The following PPFIBP2 variants were observed in gnomAD, a reference collection of about 807,000 sequenced individuals.
The protein encoded by PPFIBP2 is liprin-beta-2.
In PPFIBP2, 118 loss-of-function variants were observed where a neutral mutation model predicts 118.3. That is an observed-to-expected ratio of 1.00 (90% CI 0.86 to 1.16). The LOEUF (loss-of-function observed/expected upper bound fraction) is 1.16, where lower values mean the gene tolerates loss of function less well. Among genes scored for constraint, PPFIBP2 ranks in the 50% most tolerant of loss-of-function variants. The probability of loss-of-function intolerance (pLI) is 0.00; values close to 1 mark genes in which losing one functional copy is unlikely to be tolerated. For missense variants in PPFIBP2, 1,195 were observed against 1,073.1 expected, an observed-to-expected ratio of 1.11 and a Z score of -1.59; for synonymous variants, 414 against 397.4, an observed-to-expected ratio of 1.04 and a Z score of -0.50.
intron 1 of PPFIBP2, among the ~76,000 whole-genome samples, chr11:7,535,013 G>T (rs1394745015): frequency 1.3e-5 from 2 of 152,220 alleles, no homozygotes; most frequent in Admixed American, 1.3e-4. Context: ...CACTTCCTTT[G>T]CCAAGGTGGC....
At chr11:7,535,718 C>A (rs189489248) in intron 1 of PPFIBP2, among the ~76,000 whole-genome samples, 1 of 152,168 alleles carries the variant, frequency 6.6e-6, no homozygotes, top group Non-Finnish European at 1.5e-5. Context: ...TGCGTTCAGA[C>A]TGCTGTGGGA....
chr11:7,641,679 A>G, intron 16 of PPFIBP2, 59 bp downstream of exon 16: 1 of 1,544,870 alleles, frequency 6.5e-7, no homozygotes. Context: ...TTGATTGGGC[A>G]AAGAGTCTAT....
At chr11:7,665,604 C>T in the PPFIBP2 span, 1 of 1,521,892 alleles carries the variant, frequency 6.6e-7, no homozygotes. Flanking sequence ...TTCCTGATCC[C>T]AGGCCGCCTG....
chr11:7,565,444 G>T, intron 2 of PPFIBP2, 109 bp from the exon 3 acceptor site: 1 of 1,159,092 alleles, frequency 8.6e-7, no homozygotes, highest in Non-Finnish European at 1.3e-6. Flanking sequence ...CTCACCCCCA[G>T]CTTCTTATCT....
chr11:7,627,945 G>A (rs1850239804), intron 8 of PPFIBP2, among the ~76,000 whole-genome samples: 1 of 152,140 alleles, frequency 6.6e-6, no homozygotes, highest in Admixed American at 6.5e-5. Context: ...CCAGGTGCAT[G>A]CCTACTCAAG....
chr11:7,653,742 ATATT>A lies in PPFIBP2; in HGVS notation c.*528_*531del. 1 of 1,217,340 alleles carries A rather than the reference ATATT, an allele frequency of 8.2e-7. No homozygotes were observed. Among genetic ancestry groups the A allele is most frequent in the Admixed American group, 3.3e-5 (1 of 30,670 alleles). The allele number at this position is 1,217,340 out of a possible 1,614,324, so 75.4% of individuals were successfully genotyped here. On this transcript the variant is annotated 3_prime_UTR_variant, in exon 24 of 24. Transcript: ENST00000299492. ...TCTCTTCTTTCTTGTAATAAAAGCAATATTTATGCGGAAAGCAAGCAGCTCACCA... is the reference window on the plus strand; with the variant it reads ...TCTCTTCTTTCTTGTAATAAAAGCAATATGCGGAAAGCAAGCAGCTCACCA...
At chr11:7,605,448 G>A (rs767976221) in intron 5 of PPFIBP2, among the ~76,000 whole-genome samples, 20 of 152,198 alleles carry the variant, frequency 1.3e-4, no homozygotes, top group Non-Finnish European at 2.6e-4. Flanking sequence ...AGGCAGTATT[G>A]GAAGATCAGC....
chr11:7,516,865 A>C (rs1410172193), intron 1 of PPFIBP2, among the ~76,000 whole-genome samples: 1 of 152,034 alleles, frequency 6.6e-6, no homozygotes, highest in Non-Finnish European at 1.5e-5. Flanking sequence ...GGGAGGAGTT[A>C]CTCATCTCTT....
chr11:7,633,026 C>A, intron 12 of PPFIBP2, 92 bp downstream of exon 12: 1 of 1,179,664 alleles, frequency 8.5e-7, no homozygotes, highest in Non-Finnish European at 1.2e-6. Flanking sequence ...GAATGGTGAG[C>A]ATGGCCACTG....
chr11:7,526,655 G>A (rs1366047371), intron 1 of PPFIBP2, among the ~76,000 whole-genome samples: 1 of 152,072 alleles, frequency 6.6e-6, no homozygotes, highest in African/African-American at 2.4e-5. Context: ...GGCAGATCAC[G>A]AGGTCAGGAG....
chr11:7,662,840 T>C, the PPFIBP2 span, among the ~76,000 whole-genome samples: 1 of 151,028 alleles, frequency 6.6e-6, no homozygotes, highest in Admixed American at 6.6e-5. Context: ...GGAGGCTTTG[T>C]TCATTTCTTT....
At chr11:7,649,905 T>C (rs1010272088) in intron 21 of PPFIBP2, among the ~76,000 whole-genome samples, 1 of 151,814 alleles carries the variant, frequency 6.6e-6, no homozygotes, top group South Asian at 2.1e-4. Context: ...ATCATAGTGA[T>C]TAAAGGAGAT....
intron 3 of PPFIBP2, among the ~76,000 whole-genome samples, chr11:7,582,143 A>G (rs545858073): frequency 1.2e-3 from 183 of 152,202 alleles, no homozygotes; most frequent in African/African-American, 3.9e-3. Context: ...CAGCCAATTC[A>G]ATGTATGTTA....
intron 2 of PPFIBP2, among the ~76,000 whole-genome samples, chr11:7,559,127 C>A (rs1017227855): frequency 6.6e-6 from 1 of 152,198 alleles, no homozygotes; most frequent in Non-Finnish European, 1.5e-5. Flanking sequence ...CTAAATACTG[C>A]TTTGTTGCTC....
chr11:7,557,275 T>C (rs956296661), intron 2 of PPFIBP2, among the ~76,000 whole-genome samples: 1 of 152,120 alleles, frequency 6.6e-6, no homozygotes, highest in Non-Finnish European at 1.5e-5. Flanking sequence ...TTCCTATTTT[T>C]TAAAATCATG....
At chr11:7,630,836 A>G (rs1342427320) in intron 10 of PPFIBP2, 89 bp from the exon 11 acceptor site, 2 of 929,392 alleles carry the variant, frequency 2.2e-6, no homozygotes, top group East Asian at 2.4e-5. Flanking sequence ...TTCTTAATGA[A>G]GGAGAAACAA....
intron 3 of PPFIBP2, among the ~76,000 whole-genome samples, chr11:7,585,453 C>T (rs554456660): frequency 6.6e-6 from 1 of 152,326 alleles, no homozygotes; most frequent in Non-Finnish European, 1.5e-5. Context: ...ACTCCTTCCC[C>T]TAGTTCAATG....
At chr11:7,596,645 T>C (rs1860373043) in intron 4 of PPFIBP2, among the ~76,000 whole-genome samples, 1 of 152,170 alleles carries the variant, frequency 6.6e-6, no homozygotes, top group Admixed American at 6.5e-5. Context: ...TGAGAAATAA[T>C]TCTGGATAAT....
At chr11:7,581,180 C>T (rs900439270) in intron 3 of PPFIBP2, among the ~76,000 whole-genome samples, 3 of 152,208 alleles carry the variant, frequency 2.0e-5, no homozygotes, top group African/African-American at 7.2e-5. Context: ...CACAAGTATC[C>T]AGAGGGACTC....
Sources: gnomAD v4.1 joint callset for allele counts (sites outside exome capture counted in the v4.1 genomes callset) on GRCh38, gnomAD v4.1.1 for gene constraint, MANE v1.5 for transcripts, NCBI Gene and HGNC (gene_info 2026-07-23, HGNC 2026-07-21) for gene names.